The following STOX2 variants were observed in gnomAD, a reference collection of about 807,000 sequenced individuals.
STOX2 encodes storkhead box 2.
Under a neutral mutation model 60.9 loss-of-function variants are expected in STOX2, and 28 were observed. That is an observed-to-expected ratio of 0.46 (90% CI 0.34 to 0.63). STOX2 has a LOEUF of 0.63. Ranked by LOEUF, STOX2 falls within the 30% of genes least tolerant of loss-of-function variation. The pLI, the probability that STOX2 is intolerant of heterozygous loss-of-function variation, is 0.01. For missense variants in STOX2, 1,024 were observed against 1,187.7 expected (o/e 0.86, Z 2.03); for synonymous variants, 472 against 463.9 (o/e 1.02, Z -0.22).
chr4:183,902,451 C>T (rs1274182487), upstream of STOX2, among the ~76,000 whole-genome samples: 5 of 152,098 alleles, frequency 3.3e-5, no homozygotes, highest in Admixed American at 6.5e-5. Context: ...AATCGATTTG[C>T]TTTATCATTC....
intron 1 of STOX2, among the ~76,000 whole-genome samples, chr4:183,924,585 T>C (rs919516869): frequency 6.6e-6 from 1 of 151,926 alleles, no homozygotes; most frequent in African/African-American, 2.4e-5. Context: ...AGCTGTCGGG[T>C]TATTCTGAGC....
Position 183,821,715 on chromosome 4 carries a change from C to T in STOX2, c.364+23660C>T, listed in dbSNP as rs184640014. ...CACACCCCACCACCTCCCTTTTGAGCCCTGCCTAGAGGGGAGGGGAGGGGT... is the reference window on the plus strand; with the variant it reads ...CACACCCCACCACCTCCCTTTTGAGTCCTGCCTAGAGGGGAGGGGAGGGGT... On this transcript the variant is annotated intron_variant, in intron 1 of 2. Transcript: ENST00000513034. The surrounding 1 kb of genome is among the most constrained non-coding windows in gnomAD (Gnocchi z 4.2). 4.3e-4 allele frequency among the ~76,000 whole-genome samples: 66 copies of T among 152,320 alleles called. No homozygotes were observed. The highest frequency in any genetic ancestry group is 1.5e-3 in the African/African-American group (63 of 41,574).
intron 1 of STOX2, among the ~76,000 whole-genome samples, chr4:183,813,769 G>A (rs910689222): frequency 2.6e-5 from 4 of 152,150 alleles, no homozygotes; most frequent in African/African-American, 7.2e-5. Flanking sequence ...GCTAATTGGC[G>A]GCTGGTAGTA....
At chr4:183,907,127 A>T (rs1194752959) in intron 1 of STOX2, among the ~76,000 whole-genome samples, 171 bp downstream of exon 1, 4 of 152,300 alleles carry the variant, frequency 2.6e-5, no homozygotes, top group Middle Eastern at 3.4e-3. Flanking sequence ...CAAGATCCAC[A>T]GCAGGCCCTC....
At chr4:183,840,261 G>C (rs1032646978) in intron 1 of STOX2, among the ~76,000 whole-genome samples, 32 of 152,212 alleles carry the variant, frequency 2.1e-4, no homozygotes, top group African/African-American at 7.5e-4. Flanking sequence ...ATTTTTGAGA[G>C]TGGATGGATT....
At chr4:183,997,721 G>A in intron 1 of STOX2, among the ~76,000 whole-genome samples, 1 of 152,178 alleles carries the variant, frequency 6.6e-6, no homozygotes, top group Non-Finnish European at 1.5e-5. Flanking sequence ...GAAAGGAGTT[G>A]AAAGTAATAT....
At chr4:183,918,197 G>A (rs1051985366) in intron 1 of STOX2, among the ~76,000 whole-genome samples, 3 of 152,186 alleles carry the variant, frequency 2.0e-5, no homozygotes, top group Admixed American at 2.0e-4. Context: ...TCATTTATCA[G>A]AAATCAAGTA....
chr4:183,908,359 A>C (rs1449425317), intron 1 of STOX2, among the ~76,000 whole-genome samples: 2 of 152,194 alleles, frequency 1.3e-5, no homozygotes, highest in Non-Finnish European at 2.9e-5. Flanking sequence ...CCTAACCTCA[A>C]AACACATATG....
upstream of STOX2, among the ~76,000 whole-genome samples, chr4:183,902,558 G>A (rs1371033606): frequency 2.0e-5 from 3 of 152,124 alleles, no homozygotes; most frequent in African/African-American, 7.2e-5. Context: ...GTCTGAGGTA[G>A]GTTTAGAGAT....
chr4:184,011,354 C>T lies in STOX2; in HGVS notation c.2516C>T (p.Thr839Ile), dbSNP rs753218501. The stretch of plus-strand genomic sequence containing the variant: ...GACAGCAGCAGCAACCAGAGAGCCA[C>T]CCATTCAGCCCGGCTCGACAGCATG... ...ETDSSSNQRA[T>I]HSARLDSMDS... Residue 839 changes from threonine to isoleucine, a missense_variant, in exon 3 of 4, where the codon ACC becomes ATC. Coordinates refer to ENST00000308497, the MANE Select transcript of STOX2 (RefSeq NM_020225.3). This position sits in a 1 kb window ranked among gnomAD's most constrained non-coding sequence, Gnocchi z 4.4. 2 of 1,613,982 alleles carry T rather than the reference C, an allele frequency of 1.2e-6. No homozygotes were observed. Among genetic ancestry groups the T allele is most frequent in the South Asian group, 2.2e-5 (2 of 91,074 alleles).
chr4:183,895,896 G>A (rs970277269), intron 1 of STOX2, among the ~76,000 whole-genome samples: 4 of 152,156 alleles, frequency 2.6e-5, no homozygotes, highest in Admixed American at 2.6e-4. Flanking sequence ...AACAGGACAA[G>A]GGCCTCTAAA....
intron 1 of STOX2, among the ~76,000 whole-genome samples, chr4:183,873,663 T>C (rs1740747331): frequency 6.6e-6 from 1 of 152,188 alleles, no homozygotes; most frequent in Non-Finnish European, 1.5e-5. Flanking sequence ...TTGGGTATGT[T>C]GAAACCGGGA....
intron 1 of STOX2, among the ~76,000 whole-genome samples, chr4:183,994,359 G>C (rs746237330): frequency 1.3e-5 from 2 of 152,192 alleles, no homozygotes; most frequent in Non-Finnish European, 2.9e-5. Context: ...CATTAGTCCT[G>C]AGGAACAAAG....
At chr4:183,963,196 G>T (rs1449859856) in intron 1 of STOX2, among the ~76,000 whole-genome samples, 3 of 151,988 alleles carry the variant, frequency 2.0e-5, no homozygotes, top group East Asian at 3.9e-4. Flanking sequence ...TACTGATCAG[G>T]TGGTTCTGTC....
At chr4:183,981,301 G>T (rs2111188403) in intron 1 of STOX2, among the ~76,000 whole-genome samples, 1 of 152,212 alleles carries the variant, frequency 6.6e-6, no homozygotes, top group African/African-American at 2.4e-5. Flanking sequence ...AGAGTAGAAT[G>T]CATAGACTGT....
chr4:183,883,859 TA>T (rs113230495), intron 1 of STOX2, among the ~76,000 whole-genome samples: 75,582 of 148,266 alleles, frequency 0.51, 19,850 homozygotes, highest in Admixed American at 0.57. Context: ...AATTTTATTT[TA>T]TTTTTTTTTG....
chr4:183,858,918 T>C (rs1435040523), intron 1 of STOX2, among the ~76,000 whole-genome samples: 2 of 152,246 alleles, frequency 1.3e-5, no homozygotes, highest in African/African-American at 2.4e-5. Context: ...TTCAGTGTAC[T>C]GTACACACCG....
At chr4:183,810,531 AG>A (rs1355580327) in intron 1 of STOX2, among the ~76,000 whole-genome samples, 3 of 152,128 alleles carry the variant, frequency 2.0e-5, no homozygotes, top group African/African-American at 4.8e-5. Flanking sequence ...AAGAAACATC[AG>A]GGGTGCTGTG....
intron 1 of STOX2, among the ~76,000 whole-genome samples, chr4:183,832,959 C>G (rs1739609950): frequency 6.6e-6 from 1 of 152,212 alleles, no homozygotes; most frequent in Admixed American, 6.5e-5. Context: ...CCGTCAAAAC[C>G]TGTTACAGCA....
Sources: allele counts gnomAD v4.1 joint callset (sites outside exome capture counted in the v4.1 genomes callset), GRCh38; gene constraint gnomAD v4.1.1; non-coding constraint Gnocchi (gnomAD v3.1); transcripts MANE v1.5; gene names NCBI Gene and HGNC (gene_info 2026-07-23, HGNC 2026-07-21).